The following PRKN variants were observed in gnomAD, a reference collection of about 807,000 sequenced individuals.
PRKN encodes parkin RBR E3 ubiquitin protein ligase, also known as E3 ubiquitin-protein ligase parkin.
PRKN carries 56 observed loss-of-function variants against 59.5 expected under a neutral mutation model. That is an observed-to-expected ratio of 0.94 (90% confidence interval 0.76 to 1.18). PRKN has a LOEUF of 1.18. Ranked by LOEUF, PRKN falls within the 50% of genes most tolerant of loss-of-function variation. The pLI, the probability that PRKN is intolerant of heterozygous loss-of-function variation, is 0.00. For missense variants in PRKN, 657 were observed against 596.4 expected, an observed-to-expected ratio of 1.10 and a Z score of -1.06; for synonymous variants, 250 against 222.1, an observed-to-expected ratio of 1.13 and a Z score of -1.12.
At chr6:162,109,529 C>A (rs1780333978) in intron 4 of PRKN, among the ~76,000 whole-genome samples, 1 of 152,080 alleles carries the variant, frequency 6.6e-6, no homozygotes, top group Non-Finnish European at 1.5e-5. Flanking sequence ...CGGACCCTGA[C>A]CAAGGAAGGA....
rs1454365492 is a variant in PRKN at position 161,459,068 on chromosome 6, C to T, written c.1084-72191G>A. Among the ~76,000 whole-genome samples, 1 of 152,140 alleles carries T rather than the reference C, an allele frequency of 6.6e-6. No individual in the cohort carries two copies. Among genetic ancestry groups the T allele is most frequent in the Non-Finnish European group, 1.5e-5 (1 of 68,010 alleles). On this transcript the variant is annotated intron_variant, in intron 9 of 11. Coordinates refer to ENST00000366898, the MANE Select transcript of PRKN (RefSeq NM_004562.3). This position sits in a 1 kb window ranked among gnomAD's most constrained non-coding sequence, Gnocchi z 4.8. ...TTCTAAAGCTACAAGCACTTCCTTC[C>T]TCAGAGAGTGTCTGCTGACAGCCAG...
At chr6:161,658,015 CAAAA>C (rs60685690) in intron 7 of PRKN, among the ~76,000 whole-genome samples, 7 of 61,870 alleles carry the variant, frequency 1.1e-4, no homozygotes, top group African/African-American at 3.2e-4. Flanking sequence ...GACTCTGTCT[CAAAA>C]AAAAAAAAAA....
intron 1 of PRKN, among the ~76,000 whole-genome samples, chr6:162,708,730 C>T (rs1309442195): frequency 2.6e-5 from 4 of 152,216 alleles, no homozygotes; most frequent in Non-Finnish European, 5.9e-5. Context: ...ATAACACTGC[C>T]TTTCTGCCCT....
intron 6 of PRKN, among the ~76,000 whole-genome samples, chr6:161,858,069 A>G (rs1793728774): frequency 6.6e-6 from 1 of 152,202 alleles, no homozygotes. Flanking sequence ...CTCACACCTA[A>G]GTTTCCCAAA....
At chr6:161,506,546 T>C (rs138981169) in intron 9 of PRKN, among the ~76,000 whole-genome samples, 2 of 152,328 alleles carry the variant, frequency 1.3e-5, no homozygotes, top group South Asian at 4.1e-4. Context: ...ATTTGTTGCC[T>C]ATTTAATGAA....
At chr6:162,454,394 A>C (rs1013925381) in intron 1 of PRKN, among the ~76,000 whole-genome samples, 2 of 152,220 alleles carry the variant, frequency 1.3e-5, no homozygotes, top group Non-Finnish European at 2.9e-5. Context: ...TAGAGCTCTC[A>C]ATTTTCAAAG....
At chr6:161,655,453 C>T (rs941797023) in intron 7 of PRKN, among the ~76,000 whole-genome samples, 9 of 152,286 alleles carry the variant, frequency 5.9e-5, no homozygotes, top group African/African-American at 1.7e-4. Context: ...CCTGGCCCCT[C>T]ATCACCACCA....
intron 5 of PRKN, among the ~76,000 whole-genome samples, chr6:162,001,910 C>A (rs73785310): frequency 0.04 from 5,837 of 144,594 alleles, 441 homozygotes; most frequent in African/African-American, 0.14. Context: ...GCTTTTTCTG[C>A]ATCTACTGAT....
chr6:161,519,135 A>C (rs1437999193), intron 9 of PRKN, among the ~76,000 whole-genome samples: 1 of 152,128 alleles, frequency 6.6e-6, no homozygotes, highest in Non-Finnish European at 1.5e-5. Context: ...TAGTGAAAAA[A>C]GTGGAATGTT....
intron 4 of PRKN, among the ~76,000 whole-genome samples, chr6:162,172,523 C>T (rs73592386): frequency 0.041 from 6,170 of 152,226 alleles, 345 homozygotes; most frequent in African/African-American, 0.11. Flanking sequence ...TGTTAAATGC[C>T]CTTCAACACT....
chr6:161,935,822 T>C (rs1338715731), intron 6 of PRKN, among the ~76,000 whole-genome samples: 1 of 152,156 alleles, frequency 6.6e-6, no homozygotes, highest in African/African-American at 2.4e-5. Context: ...TCCACATCGA[T>C]TCACAGGTGA....
At position 161,547,811 on chromosome 6, in the gene PRKN, G is replaced by A. The variant is rs550697696; in HGVS notation, c.1083+1043C>T. The stretch of plus-strand genomic sequence containing the variant: ...TGAGTTTTCATTCTAATGCAATCAC[G>A]ATTATGAATCCAGAGGTATTTCTTT... On this transcript the variant is annotated intron_variant, in intron 9 of 11. Coordinates refer to ENST00000366898, the MANE Select transcript of PRKN (RefSeq NM_004562.3). This position sits in a 1 kb window ranked among gnomAD's most constrained non-coding sequence, Gnocchi z 4.0. Among the ~76,000 whole-genome samples the A allele has an allele frequency of 3.3e-5, 5 of 152,250 alleles. No individual in the cohort carries two copies. The South Asian group carries it at 1.0e-3, about 32-fold the overall frequency.
intron 2 of PRKN, among the ~76,000 whole-genome samples, chr6:162,279,690 G>T (rs778848506): frequency 1.3e-5 from 2 of 152,138 alleles, no homozygotes; most frequent in African/African-American, 2.4e-5. Context: ...TATTAGGACC[G>T]CTTGGTCTAG....
At chr6:162,005,253 CTT>C (rs1183938571) in intron 5 of PRKN, among the ~76,000 whole-genome samples, 1 of 152,112 alleles carries the variant, frequency 6.6e-6, no homozygotes, top group African/African-American at 2.4e-5. Flanking sequence ...GCATTTGACT[CTT>C]TATTGGTAAT....
chr6:161,446,387 A>T lies in PRKN; in HGVS notation c.1084-59510T>A, dbSNP rs12154057. On this transcript the variant is annotated intron_variant, in intron 9 of 11. Transcript: ENST00000366898. The surrounding 1 kb of genome is among the most constrained non-coding windows in gnomAD (Gnocchi z 6.2). Reference sequence around the variant, plus strand: ...AACTGGGAGATGCCAGCAGACACTGAGACCCAAAGGGGCCTGGCTTGGGAC... The same window carrying T: ...AACTGGGAGATGCCAGCAGACACTGTGACCCAAAGGGGCCTGGCTTGGGAC... Among the ~76,000 whole-genome samples, 1 of 151,768 alleles carries T rather than the reference A, an allele frequency of 6.6e-6. No individual in the cohort carries two copies. The highest frequency in any genetic ancestry group is 2.4e-5 in the African/African-American group (1 of 41,250).
At chr6:161,968,736 C>G (rs1273425446) in intron 6 of PRKN, among the ~76,000 whole-genome samples, 1 of 151,728 alleles carries the variant, frequency 6.6e-6, no homozygotes, top group Non-Finnish European at 1.5e-5. Flanking sequence ...ATTTTTAAGT[C>G]TGTAATTATG....
At chr6:162,675,907 T>A (rs1779526444) in intron 1 of PRKN, among the ~76,000 whole-genome samples, 2 of 152,184 alleles carry the variant, frequency 1.3e-5, no homozygotes, top group African/African-American at 4.8e-5. Context: ...TACTGACTTA[T>A]ACACAAAAAG....
chr6:161,795,431 G>C (rs558989569), intron 6 of PRKN, among the ~76,000 whole-genome samples: 4 of 150,524 alleles, frequency 2.7e-5, no homozygotes, highest in African/African-American at 4.9e-5. Flanking sequence ...ATGGGGTCTC[G>C]CCATGTTGGC....
intron 2 of PRKN, among the ~76,000 whole-genome samples, chr6:162,355,328 T>A (rs941176015): frequency 3.3e-5 from 5 of 151,856 alleles, no homozygotes; most frequent in Admixed American, 1.3e-4. Context: ...TCTATTTAAT[T>A]AAGAGACTTT....
Sources: allele counts gnomAD v4.1 joint callset (sites outside exome capture counted in the v4.1 genomes callset), GRCh38; gene constraint gnomAD v4.1.1; non-coding constraint Gnocchi (gnomAD v3.1); transcripts MANE v1.5; gene names NCBI Gene and HGNC (gene_info 2026-07-23, HGNC 2026-07-21).